PAX7: variants seen among roughly 807,000 people sequenced by gnomAD.
The protein encoded by PAX7 is paired box protein Pax-7.
A neutral mutation model predicts 50.7 loss-of-function variants in PAX7; 18 were observed. The ratio of observed to expected loss-of-function variants is 0.36; its 90% CI spans 0.25 to 0.53. PAX7 has a LOEUF of 0.53. Among genes scored for constraint, PAX7 ranks in the 20% least tolerant of loss-of-function variants. The pLI, the probability that PAX7 is intolerant of heterozygous loss-of-function variation, is 0.93. For missense variants in PAX7, 644 were observed against 702.9 expected, an observed-to-expected ratio of 0.92 and a Z score of 0.95; for synonymous variants, 310 against 290.4, an observed-to-expected ratio of 1.07 and a Z score of -0.69.
chr1:18,715,069 A>G (rs2089401780), intron 7 of PAX7, among the ~76,000 whole-genome samples: 1 of 152,198 alleles, frequency 6.6e-6, no homozygotes, highest in African/African-American at 2.4e-5. Flanking sequence ...GATCGCAGGT[A>G]GGAGAGACGG....
intron 8 of PAX7, among the ~76,000 whole-genome samples, chr1:18,739,744 GA>G (rs1301911160): frequency 6.6e-6 from 1 of 152,112 alleles, no homozygotes; most frequent in Non-Finnish European, 1.5e-5. Flanking sequence ...TCTTGCCAGG[GA>G]CACCTTCACT....
chr1:18,673,446 C>A (rs537769940), intron 4 of PAX7, among the ~76,000 whole-genome samples: 21 of 152,250 alleles, frequency 1.4e-4, no homozygotes, highest in African/African-American at 5.1e-4. Context: ...CTGTCAGAAC[C>A]AGTGTGTTTT....
chr1:18,661,733 C>G (rs1462931114), intron 4 of PAX7, among the ~76,000 whole-genome samples: 1 of 152,216 alleles, frequency 6.6e-6, no homozygotes, highest in East Asian at 1.9e-4. Context: ...GCCTGGGCTC[C>G]CTCGGCCAAC....
chr1:18,642,760 G>T (rs553165797), intron 4 of PAX7, among the ~76,000 whole-genome samples: 14 of 152,192 alleles, frequency 9.2e-5, no homozygotes, highest in African/African-American at 3.4e-4. Context: ...GAGGGAACTC[G>T]CCTTCCCAAA....
chr1:18,683,065 C>A (rs974470979), intron 4 of PAX7, among the ~76,000 whole-genome samples: 1 of 152,126 alleles, frequency 6.6e-6, no homozygotes, highest in Non-Finnish European at 1.5e-5. Context: ...AGCCAGAAAC[C>A]AGAGCAGGGC....
Position 18,700,731 on chromosome 1 carries a change from C to T in PAX7, c.865C>T (p.Pro289Ser). The change falls in exon 6 of 9, where the codon CCA (proline) becomes TCA (serine). Residue 289 changes from proline (P) to serine (S), a missense_variant. Physicochemically the swap from Pro to Ser is moderately conservative, Grantham distance 74. Coordinates refer to ENST00000420770, the MANE Select transcript of PAX7 (RefSeq NM_001135254.2). This position sits in a 1 kb window ranked among gnomAD's most constrained non-coding sequence, Gnocchi z 4.8. Reference protein sequence around the residue: ...NQLAAFNHLLPGGFPPTGMPT... With the variant: ...NQLAAFNHLLSGGFPPTGMPT... Reference sequence around the variant, plus strand: ...GCTGGCGGCGTTCAACCACCTTCTGCCAGGAGGCTTCCCACCCACCGGCAT... The same window carrying T: ...GCTGGCGGCGTTCAACCACCTTCTGTCAGGAGGCTTCCCACCCACCGGCAT... 1 of 1,600,594 alleles carries T rather than the reference C, an allele frequency of 6.2e-7. No homozygotes were observed. The highest frequency in any genetic ancestry group is 8.5e-7 in the Non-Finnish European group (1 of 1,174,432).
chr1:18,734,257 T>C lies in PAX7; in HGVS notation c.1156-1375T>C, dbSNP rs989259033. Among the ~76,000 whole-genome samples, 7 of 152,028 alleles carry C rather than the reference T, an allele frequency of 4.6e-5. 1 individual carries two copies. Among genetic ancestry groups the C allele is most frequent in the Admixed American group, 2.0e-4 (3 of 15,274 alleles). ...GCAGGGATTGCCACGTGGTTCTCCG[T>C]CTCGGTGCTGGGCAGATTATCAGCA... On this transcript the variant is annotated intron_variant, in intron 7 of 8. Coordinates refer to ENST00000420770, the MANE Select transcript of PAX7 (RefSeq NM_001135254.2).
chr1:18,684,595 C>T (rs989980733), intron 4 of PAX7, among the ~76,000 whole-genome samples: 26 of 152,250 alleles, frequency 1.7e-4, no homozygotes, highest in Non-Finnish European at 3.1e-4. Flanking sequence ...TGCCGGGCCC[C>T]CAGCTGAGCT....
At chr1:18,742,148 C>CTTTTTTT (rs61248648) in intron 8 of PAX7, among the ~76,000 whole-genome samples, 1 of 103,556 alleles carries the variant, frequency 9.7e-6, no homozygotes. Flanking sequence ...AATGAGGCTT[C>CTTTTTTT]TTTTTTTTTT....
chr1:18,631,364 G>T lies in PAX7; in HGVS notation c.-240G>T, dbSNP rs996749579. 1.2e-5 allele frequency: 6 copies of T among 518,690 alleles called. No individual in the cohort carries two copies. In the East Asian group the frequency reaches 1.5e-4, roughly 13 times the overall value. The allele number at this position is 518,690 out of a possible 1,614,324, so 32.1% of individuals were successfully genotyped here. A position where few individuals can be genotyped will look rare whatever the true frequency, so the allele number is the denominator to read the frequency against. On this transcript the variant is annotated 5_prime_UTR_variant, in exon 1 of 9. Transcript: ENST00000420770. ...GTTTGTTTGTTTGAACTTCCTCGTCGTCGCCACCTTCCCTCCCCCCAACCT... is the reference window on the plus strand; with the variant it reads ...GTTTGTTTGTTTGAACTTCCTCGTCTTCGCCACCTTCCCTCCCCCCAACCT...
chr1:18,725,163 A>C (rs1256813509), intron 7 of PAX7, among the ~76,000 whole-genome samples: 1 of 152,194 alleles, frequency 6.6e-6, no homozygotes, highest in Admixed American at 6.5e-5. Flanking sequence ...GGCCTGAGCT[A>C]TCACGGCCCT....
Position 18,632,700 on chromosome 1 carries a change from G to A in PAX7, c.85+1012G>A, listed in dbSNP as rs1201434716. ...GTTTGAGTCCCTGGCGCGTGAGGAAGGGGAGAGGAGGCAGGGAGGGGGTGG... is the reference window on the plus strand; with the variant it reads ...GTTTGAGTCCCTGGCGCGTGAGGAAAGGGAGAGGAGGCAGGGAGGGGGTGG... On this transcript the variant is annotated intron_variant, in intron 1 of 8. Transcript: ENST00000420770. The surrounding 1 kb of genome is among the most constrained non-coding windows in gnomAD (Gnocchi z 6.3). Among the ~76,000 whole-genome samples the A allele has an allele frequency of 4.0e-5, 6 of 151,538 alleles. No individual in the cohort carries two copies. Among genetic ancestry groups the A allele is most frequent in the Non-Finnish European group, 5.9e-5 (4 of 67,858 alleles).
chr1:18,680,258 T>C (rs1023558571), intron 4 of PAX7, among the ~76,000 whole-genome samples: 1 of 152,120 alleles, frequency 6.6e-6, no homozygotes, highest in African/African-American at 2.4e-5. Flanking sequence ...GGGGGATGGA[T>C]AAGCAAATAG....
intron 7 of PAX7, among the ~76,000 whole-genome samples, chr1:18,734,836 A>T (rs1476152081): frequency 6.6e-6 from 1 of 152,130 alleles, no homozygotes; most frequent in Non-Finnish European, 1.5e-5. Flanking sequence ...GTCACCATCC[A>T]TGCCTGTTTG....
At chr1:18,658,238 C>T (rs888285985) in intron 4 of PAX7, among the ~76,000 whole-genome samples, 3 of 150,476 alleles carry the variant, frequency 2.0e-5, no homozygotes, top group African/African-American at 7.4e-5. Flanking sequence ...TGCCCCTCCT[C>T]GCTCCTGCCC....
At chr1:18,737,687 A>G (rs1164697759) in intron 8 of PAX7, among the ~76,000 whole-genome samples, 3 of 152,274 alleles carry the variant, frequency 2.0e-5, no homozygotes, top group Non-Finnish European at 4.4e-5. Context: ...CATATTGTGC[A>G]TACATGATGT....
chr1:18,728,552 C>T (rs981841574), intron 7 of PAX7, among the ~76,000 whole-genome samples: 2 of 152,030 alleles, frequency 1.3e-5, no homozygotes, highest in Non-Finnish European at 2.9e-5. Flanking sequence ...ATTAGAATCA[C>T]CCGGGAGCTT....
chr1:18,681,164 T>TTA (rs1456357647), intron 4 of PAX7, among the ~76,000 whole-genome samples: 1 of 67,380 alleles, frequency 1.5e-5, no homozygotes, highest in African/African-American at 5.4e-5. Flanking sequence ...CAAAACTCCG[T>TTA]AAAAAAAAAA....
chr1:18,716,500 T>G (rs1570217712), intron 7 of PAX7, among the ~76,000 whole-genome samples: 2 of 53,344 alleles, frequency 3.7e-5, no homozygotes, highest in African/African-American at 1.3e-4. Flanking sequence ...GTTTGTTGTT[T>G]TTTGTTTTTT....
Sources: allele counts gnomAD v4.1 joint callset (sites outside exome capture counted in the v4.1 genomes callset), GRCh38; gene constraint gnomAD v4.1.1; non-coding constraint Gnocchi (gnomAD v3.1); transcripts MANE v1.5; gene names NCBI Gene and HGNC (gene_info 2026-07-23, HGNC 2026-07-21).